The following SLC35D4 variants were observed in gnomAD, a reference collection of about 807,000 sequenced individuals.
The protein encoded by SLC35D4 is UDP-N-acetylglucosamine transporter SLC35D4.
chr18:23,358,973 C>T, the SLC35D4 span, among the ~76,000 whole-genome samples: 5 of 152,270 alleles, frequency 3.3e-5, no homozygotes, highest in South Asian at 2.1e-4. Context: ...GAGGTTGCAG[C>T]GTGTGGCTGG....
the SLC35D4 span, among the ~76,000 whole-genome samples, chr18:23,349,293 C>T: frequency 6.6e-6 from 1 of 152,186 alleles, no homozygotes; most frequent in Non-Finnish European, 1.5e-5. Context: ...TATTTGATGT[C>T]TCACAGGTCT....
chr18:23,363,536 G>A, the SLC35D4 span, among the ~76,000 whole-genome samples: 6 of 151,132 alleles, frequency 4.0e-5, no homozygotes, highest in East Asian at 2.0e-4. Flanking sequence ...CACCACGCCC[G>A]GCTAATTTTT....
At chr18:23,371,941 T>TTTGTTTTTTTG in the SLC35D4 span, among the ~76,000 whole-genome samples, 28 of 26,310 alleles carry the variant, frequency 1.1e-3, 4 homozygotes, top group African/African-American at 8.2e-4. Context: ...TTTTGTTTTT[T>TTTGTTTTTTTG]TTTTTTTTTT....
the SLC35D4 span, among the ~76,000 whole-genome samples, chr18:23,361,713 G>A: frequency 1.3e-5 from 2 of 152,096 alleles, no homozygotes; most frequent in African/African-American, 2.4e-5. Flanking sequence ...TGCAGGAGAC[G>A]GAAGGGAAGG....
the SLC35D4 span, among the ~76,000 whole-genome samples, chr18:23,369,779 C>A: frequency 6.6e-6 from 1 of 152,260 alleles, no homozygotes; most frequent in Admixed American, 6.5e-5. Flanking sequence ...AAGTCCCCTG[C>A]CCTCAACACA....
At chr18:23,256,975 G>T in the SLC35D4 span, among the ~76,000 whole-genome samples, 1 of 152,184 alleles carries the variant, frequency 6.6e-6, no homozygotes, top group Non-Finnish European at 1.5e-5. Context: ...TCATATTCCT[G>T]AGAGGATTAA....
At chr18:23,379,576 A>G in the SLC35D4 span, among the ~76,000 whole-genome samples, 92 of 152,288 alleles carry the variant, frequency 6.0e-4, no homozygotes, top group African/African-American at 2.2e-3. Context: ...GCCAAAAGAA[A>G]AGGCCCCTTC....
chr18:23,311,576 T>C, the SLC35D4 span, among the ~76,000 whole-genome samples: 2 of 152,204 alleles, frequency 1.3e-5, no homozygotes, highest in African/African-American at 4.8e-5. Flanking sequence ...TTATAGATGA[T>C]CTTGACTCTG....
the SLC35D4 span, chr18:23,258,154 C>T: frequency 6.6e-6 from 1 of 152,410 alleles, no homozygotes; most frequent in Non-Finnish European, 1.5e-5. Flanking sequence ...CGTGGAAGGA[C>T]GTGGAGCGTG....
chr18:23,257,380 G>T, the SLC35D4 span: 48 of 1,580,450 alleles, frequency 3.0e-5, no homozygotes, highest in Non-Finnish European at 3.8e-5. Flanking sequence ...CTGGCCCCGA[G>T]GACAGCCAAG....
chr18:23,423,302 C>A, the SLC35D4 span, among the ~76,000 whole-genome samples: 6 of 152,218 alleles, frequency 3.9e-5, no homozygotes, highest in Admixed American at 3.9e-4. Context: ...GTTTCACTGA[C>A]CCAGCCAAGC....
At chr18:23,365,707 G>A in the SLC35D4 span, 37 of 1,606,050 alleles carry the variant, frequency 2.3e-5, no homozygotes, top group African/African-American at 1.5e-4. Context: ...AAGTTTCCCC[G>A]GCACCAAAAA....
chr18:23,309,666 T>C, the SLC35D4 span: 6 of 1,613,188 alleles, frequency 3.7e-6, no homozygotes, highest in Non-Finnish European at 5.1e-6. Flanking sequence ...TATCTCTCTA[T>C]GCAAAAGACT....
At chr18:23,430,450 T>C in the SLC35D4 span, among the ~76,000 whole-genome samples, 1 of 152,196 alleles carries the variant, frequency 6.6e-6, no homozygotes, top group African/African-American at 2.4e-5. Context: ...CAAAAATGTC[T>C]AGTAACATTG....
chr18:23,427,827 T>C, the SLC35D4 span, among the ~76,000 whole-genome samples: 2 of 152,160 alleles, frequency 1.3e-5, no homozygotes, highest in South Asian at 2.1e-4. Flanking sequence ...CACCATGGAA[T>C]ACTATGCAGC....
At chr18:23,242,981 T>C in the SLC35D4 span, among the ~76,000 whole-genome samples, 1 of 151,804 alleles carries the variant, frequency 6.6e-6, no homozygotes, top group Middle Eastern at 3.2e-3. Flanking sequence ...GTGATTAGAT[T>C]CTGCCTGTCC....
the SLC35D4 span, among the ~76,000 whole-genome samples, chr18:23,363,273 AT>A: frequency 6.9e-6 from 1 of 144,582 alleles, no homozygotes; most frequent in African/African-American, 2.5e-5. Context: ...AAAAAAAAGA[AT>A]TATTCACCCA....
At chr18:23,338,963 G>A in the SLC35D4 span, among the ~76,000 whole-genome samples, 4 of 152,132 alleles carry the variant, frequency 2.6e-5, no homozygotes. Flanking sequence ...GCTCATTGCA[G>A]CCTCAAACTC....
At chr18:23,429,834 G>T in the SLC35D4 span, among the ~76,000 whole-genome samples, 2 of 152,032 alleles carry the variant, frequency 1.3e-5, no homozygotes, top group African/African-American at 2.4e-5. Flanking sequence ...CGTGTACTTT[G>T]CCCACTTTTA....
Sources: allele counts gnomAD v4.1 joint callset (sites outside exome capture counted in the v4.1 genomes callset), GRCh38; gene constraint gnomAD v4.1.1; transcripts MANE v1.5; gene names NCBI Gene and HGNC (gene_info 2026-07-23, HGNC 2026-07-21).